GRM7: variants seen among roughly 807,000 people sequenced by gnomAD.
GRM7 encodes the protein metabotropic glutamate receptor 7.
GRM7 carries 35 observed loss-of-function variants against 84.5 expected under a neutral mutation model. The ratio of observed to expected loss-of-function variants is 0.41; its 90% confidence interval spans 0.32 to 0.55. The LOEUF is 0.55. GRM7 is among the 20% of genes least tolerant of loss of function. The pLI is 0.19. For missense variants in GRM7, 1,003 were observed against 1,194.6 expected (o/e 0.84, Z 2.36); for synonymous variants, 487 against 455.1 (o/e 1.07, Z -0.89).
At chr3:7,092,566 TTGA>T (rs1263276589) in intron 1 of GRM7, among the ~76,000 whole-genome samples, 2 of 147,980 alleles carry the variant, frequency 1.4e-5, no homozygotes, top group Non-Finnish European at 3.0e-5. Context: ...GTTCTTTATG[TTGA>T]TGTTTTCAGC....
chr3:7,450,719 A>T (rs932593173), intron 5 of GRM7, among the ~76,000 whole-genome samples: 19 of 92,126 alleles, frequency 2.1e-4, no homozygotes, highest in Non-Finnish European at 2.0e-4. Flanking sequence ...TTTTATCTTT[A>T]AAAAAAAATC....
chr3:7,554,794 T>G (rs1209844067), intron 7 of GRM7, among the ~76,000 whole-genome samples: 1 of 152,202 alleles, frequency 6.6e-6, no homozygotes, highest in African/African-American at 2.4e-5. Flanking sequence ...GGCAGGATAT[T>G]GATGGACAAA....
chr3:7,116,609 A>G lies in GRM7; in HGVS notation c.520-29843A>G, dbSNP rs1258616610. On this transcript the variant is annotated intron_variant, in intron 1 of 9. Transcript: ENST00000357716. ...ATTACTTTACTGTTATAAGAAGGCA[A>G]CAGGTTCTGTACCAAGCAAAATAAA... 2.0e-5 allele frequency among the ~76,000 whole-genome samples: 3 copies of G among 152,200 alleles called. No homozygotes were observed. The East Asian group carries it at 5.8e-4, about 29-fold the overall frequency.
At chr3:7,739,321 T>C (rs955713367) in intron 9 of GRM7, among the ~76,000 whole-genome samples, 4 of 152,182 alleles carry the variant, frequency 2.6e-5, no homozygotes, top group African/African-American at 7.2e-5. Context: ...TCCTCCAAAA[T>C]TGTATATGAA....
At chr3:7,357,313 A>C (rs1399631140) in intron 4 of GRM7, among the ~76,000 whole-genome samples, 3 of 151,534 alleles carry the variant, frequency 2.0e-5, no homozygotes, top group African/African-American at 7.3e-5. Context: ...CCATGACACC[A>C]CTCTCTCTCC....
intron 8 of GRM7, among the ~76,000 whole-genome samples, chr3:7,653,988 A>G (rs1394172299): frequency 6.6e-6 from 1 of 152,090 alleles, no homozygotes; most frequent in Admixed American, 6.5e-5. Context: ...AATCATCTTG[A>G]TGTGACAGCA....
chr3:7,568,846 G>A (rs902899668), intron 7 of GRM7, among the ~76,000 whole-genome samples: 3 of 152,102 alleles, frequency 2.0e-5, no homozygotes, highest in Admixed American at 6.5e-5. Context: ...GGAGGGCTCG[G>A]GACCTGCAGC....
intron 1 of GRM7, among the ~76,000 whole-genome samples, chr3:6,955,680 T>C (rs553609837): frequency 1.3e-5 from 2 of 151,952 alleles, no homozygotes; most frequent in South Asian, 4.2e-4. Flanking sequence ...CCTTCTCTAC[T>C]AAAAATACAA....
At chr3:7,549,181 A>G (rs1033671957) in intron 7 of GRM7, among the ~76,000 whole-genome samples, 2 of 152,242 alleles carry the variant, frequency 1.3e-5, no homozygotes, top group Non-Finnish European at 1.5e-5. Context: ...ATTAAATAAT[A>G]CAAACTTACA....
At chr3:6,980,291 A>C (rs1432555190) in intron 1 of GRM7, among the ~76,000 whole-genome samples, 1 of 152,158 alleles carries the variant, frequency 6.6e-6, no homozygotes, top group South Asian at 2.1e-4. Flanking sequence ...GAGGCCATAG[A>C]CCTTTACAGA....
intron 8 of GRM7, among the ~76,000 whole-genome samples, chr3:7,663,323 C>G (rs944391470): frequency 1.3e-5 from 2 of 152,122 alleles, no homozygotes; most frequent in African/African-American, 4.8e-5. Flanking sequence ...AGGAACTGGG[C>G]CTTTATCTAC....
chr3:6,877,009 T>C (rs1183591306), intron 1 of GRM7, among the ~76,000 whole-genome samples: 1 of 152,206 alleles, frequency 6.6e-6, no homozygotes. Context: ...GATTGCAAGC[T>C]TACAGGAGGT....
intron 4 of GRM7, among the ~76,000 whole-genome samples, chr3:7,319,625 G>C (rs528543978): frequency 6.6e-5 from 10 of 152,100 alleles, no homozygotes; most frequent in African/African-American, 2.4e-4. Flanking sequence ...AAGAGTCTAG[G>C]ACTGATTTAC....
At position 7,685,371 on chromosome 3, in the gene GRM7, C is replaced by T. The variant is rs138900776; in HGVS notation, c.2698+5076C>T. On this transcript the variant is annotated intron_variant, in intron 9 of 9. Transcript: ENST00000357716. Reference sequence around the variant, plus strand: ...ACCATCCATTTTCTAAGCTAATGCCCGCAAGCCGTGCAGAGAAATACTTCA... The same window carrying T: ...ACCATCCATTTTCTAAGCTAATGCCTGCAAGCCGTGCAGAGAAATACTTCA... 2.8e-3 allele frequency among the ~76,000 whole-genome samples: 432 copies of T among 152,166 alleles called. 4 individuals carry two copies. Among genetic ancestry groups the T allele is most frequent in the African/African-American group, 9.7e-3 (402 of 41,528 alleles).
At chr3:6,980,028 T>G (rs79506751) in intron 1 of GRM7, among the ~76,000 whole-genome samples, 2,865 of 152,296 alleles carry the variant, frequency 0.019, 90 homozygotes, top group African/African-American at 0.065. Flanking sequence ...GAATTTTTTT[T>G]GTTTACCATC....
At chr3:7,250,843 A>G (rs1332710607) in intron 2 of GRM7, among the ~76,000 whole-genome samples, 1 of 152,172 alleles carries the variant, frequency 6.6e-6, no homozygotes, top group East Asian at 1.9e-4. Context: ...TATATTTTTT[A>G]ATGGCCAACT....
chr3:7,216,026 G>T (rs757100965), intron 2 of GRM7, among the ~76,000 whole-genome samples: 3 of 152,094 alleles, frequency 2.0e-5, no homozygotes, highest in Non-Finnish European at 4.4e-5. Context: ...ACAATATATA[G>T]TCTCATGTTT....
chr3:7,607,715 G>T (rs890468396), intron 8 of GRM7: 1 of 143,936 alleles, frequency 6.9e-6, no homozygotes, highest in African/African-American at 2.6e-5. Context: ...CACAGAGCTC[G>T]TAAGCACACT....
chr3:7,463,533 T>C lies in GRM7; in HGVS notation c.1515+1811T>C, dbSNP rs538044025. Among the ~76,000 whole-genome samples the C allele has an allele frequency of 3.3e-4, 51 of 152,272 alleles. No homozygotes were observed. The South Asian group carries it at 5.6e-3, about 17-fold the overall frequency. ...GGAGGTGAAACAAATGTGGTCCCTG[T>C]TCTTTCACAATTCAGCATCTAGGAT... is the stretch of plus-strand genomic sequence containing the variant. On this transcript the variant is annotated intron_variant, in intron 7 of 9. Transcript: ENST00000357716.
Sources: allele counts gnomAD v4.1 joint callset (sites outside exome capture counted in the v4.1 genomes callset), GRCh38; gene constraint gnomAD v4.1.1; transcripts MANE v1.5; gene names NCBI Gene and HGNC (gene_info 2026-07-23, HGNC 2026-07-21).